Variants in EPM2A observed in about 807,000 individuals in gnomAD.
EPM2A encodes the protein laforin.
EPM2A carries 21 observed loss-of-function variants against 26.5 expected under a neutral mutation model. That is an observed-to-expected ratio of 0.79 (90% CI 0.56 to 1.14). The LOEUF (loss-of-function observed/expected upper bound fraction) is 1.14, where lower values mean the gene tolerates loss of function less well. Among genes scored for constraint, EPM2A ranks in the 50% most tolerant of loss-of-function variants. EPM2A has a pLI of 0.00. For synonymous variants in EPM2A, 217 were observed against 177.6 expected (o/e 1.22, Z -1.76); for missense variants, 458 against 440.8 (o/e 1.04, Z -0.35).
intron 4 of EPM2A, among the ~76,000 whole-genome samples, chr6:145,449,763 A>G (rs1335748686): frequency 6.6e-6 from 1 of 152,234 alleles, no homozygotes; most frequent in East Asian, 1.9e-4. Flanking sequence ...TAACATAGTC[A>G]AACAACTCTG....
chr6:145,452,138 T>C (rs184740832), intron 4 of EPM2A, among the ~76,000 whole-genome samples: 90 of 152,356 alleles, frequency 5.9e-4, no homozygotes, highest in Admixed American at 1.5e-3. Context: ...TTTACCTCCA[T>C]ATCCCATTCT....
chr6:145,717,029 T>C (rs1330190807), intron 1 of EPM2A, among the ~76,000 whole-genome samples: 3 of 152,176 alleles, frequency 2.0e-5, no homozygotes, highest in Non-Finnish European at 4.4e-5. Flanking sequence ...CCAGAAGAAC[T>C]TCTTCCACAA....
At chr6:145,635,074 A>G (rs117085176) in intron 3 of EPM2A, 171 bp downstream of exon 3, 8,898 of 709,570 alleles carry the variant, frequency 0.013, 82 homozygotes, top group Admixed American at 0.018. Flanking sequence ...CACATTAAAC[A>G]GAATCTTAGC....
chr6:145,666,066 T>C (rs1779160356), intron 2 of EPM2A, among the ~76,000 whole-genome samples: 1 of 146,102 alleles, frequency 6.8e-6, no homozygotes, highest in Non-Finnish European at 1.5e-5. Context: ...TCATACTGAA[T>C]GGGCAAAAAC....
At chr6:145,536,517 G>C (rs1194779282) in intron 2 of EPM2A, among the ~76,000 whole-genome samples, 1 of 151,730 alleles carries the variant, frequency 6.6e-6, no homozygotes, top group African/African-American at 2.4e-5. Flanking sequence ...GGTTGGTCTC[G>C]AACTCTTGAC....
intron 2 of EPM2A, among the ~76,000 whole-genome samples, chr6:145,516,009 C>G (rs990847531): frequency 4.6e-5 from 7 of 152,162 alleles, no homozygotes; most frequent in African/African-American, 1.7e-4. Context: ...ATCAAAGGAT[C>G]TAATGCTACT....
At chr6:145,669,895 C>G (rs1375125124) in intron 2 of EPM2A, among the ~76,000 whole-genome samples, 1 of 152,106 alleles carries the variant, frequency 6.6e-6, no homozygotes, top group Non-Finnish European at 1.5e-5. Flanking sequence ...AATCTTCTTT[C>G]TCTTCTCATT....
intron 1 of EPM2A, among the ~76,000 whole-genome samples, chr6:145,729,968 G>T (rs1318479284): frequency 6.6e-6 from 1 of 152,148 alleles, no homozygotes; most frequent in African/African-American, 2.4e-5. Context: ...CATGATGATA[G>T]TGAGTAGGTT....
At chr6:145,424,517 T>C (rs1778827837) in intron 4 of EPM2A, among the ~76,000 whole-genome samples, 1 of 152,142 alleles carries the variant, frequency 6.6e-6, no homozygotes, top group African/African-American at 2.4e-5. Flanking sequence ...TAATTCACAG[T>C]GTATATCTGT....
intron 1 of EPM2A, among the ~76,000 whole-genome samples, chr6:145,692,892 A>T (rs1781363563): frequency 6.6e-6 from 1 of 152,096 alleles, no homozygotes; most frequent in Non-Finnish European, 1.5e-5. Context: ...TGCTTTGGCT[A>T]TTCGAGCTCT....
At chr6:145,631,756 T>A (rs1562419226) in intron 3 of EPM2A, 2 of 151,986 alleles carry the variant, frequency 1.3e-5, no homozygotes, top group African/African-American at 2.4e-5. Context: ...GCCTGAGGTA[T>A]TAGGGCCTGA....
intron 4 of EPM2A, among the ~76,000 whole-genome samples, chr6:145,445,532 G>C (rs1475341521): frequency 6.6e-6 from 1 of 152,246 alleles, no homozygotes; most frequent in East Asian, 1.9e-4. Flanking sequence ...GTGTAGGACT[G>C]GGGTATTCTA....
intron 2 of EPM2A, among the ~76,000 whole-genome samples, chr6:145,673,402 G>C (rs2128601558): frequency 6.6e-6 from 1 of 152,286 alleles, no homozygotes; most frequent in East Asian, 1.9e-4. Flanking sequence ...TGAGGTACCT[G>C]GTTCATCTCA....
intron 2 of EPM2A, among the ~76,000 whole-genome samples, chr6:145,559,988 G>A (rs1054802272): frequency 5.3e-5 from 8 of 152,060 alleles, no homozygotes; most frequent in Non-Finnish European, 1.0e-4. Context: ...ACCATAAGCC[G>A]TTGAAGTTGA....
Position 145,735,288 on chromosome 6 carries a change from C to T in EPM2A, c.211G>A (p.Ala71Thr), listed in dbSNP as rs1481015312. ...CCCGGCTCCGCCCCGTCCTGCGCCG[C>T]CTCCTCGGCCGCCAGCTCCACCTCC... Reference protein sequence around the residue: ...LGEVELAAEEAAQDGAEPGRV... With the variant: ...LGEVELAAEETAQDGAEPGRV... The change falls in exon 1 of 4, where the codon GCG (alanine) becomes ACG (threonine). Residue 71 changes from alanine (A) to threonine (T), a missense_variant. Transcript: ENST00000367519. 1 of 1,488,602 alleles carries T rather than the reference C, an allele frequency of 6.7e-7. No individual in the cohort carries two copies. Among genetic ancestry groups the T allele is most frequent in the South Asian group, 1.3e-5 (1 of 79,970 alleles). 92.2% of individuals were successfully genotyped at this position (1,488,602 alleles called of 1,614,324 possible). A position where few individuals can be genotyped will look rare whatever the true frequency, so the allele number is the denominator to read the frequency against.
At chr6:145,663,632 G>A (rs1778917795) in intron 2 of EPM2A, among the ~76,000 whole-genome samples, 3 of 150,692 alleles carry the variant, frequency 2.0e-5, no homozygotes, top group Admixed American at 1.3e-4. Flanking sequence ...TAGCAAGGTA[G>A]GCCAACGTTC....
At chr6:145,581,288 G>A (rs910106536) in intron 2 of EPM2A, among the ~76,000 whole-genome samples, 14 of 151,976 alleles carry the variant, frequency 9.2e-5, no homozygotes, top group African/African-American at 1.7e-4. Flanking sequence ...TGTTGGCTGC[G>A]TGTATGTGTT....
At chr6:145,528,068 T>C (rs1287269787) in intron 2 of EPM2A, among the ~76,000 whole-genome samples, 1 of 152,128 alleles carries the variant, frequency 6.6e-6, no homozygotes, top group African/African-American at 2.4e-5. Flanking sequence ...CAAGACTGTC[T>C]ATTTAATTCT....
At chr6:145,735,164 C>G (rs768997511) in intron 1 of EPM2A, 34 bp downstream of exon 1, 2 of 1,450,016 alleles carry the variant, frequency 1.4e-6, no homozygotes, top group African/African-American at 1.5e-5. Flanking sequence ...GGAGCTCCCG[C>G]TCTGCGCCGG....
Sources: gnomAD v4.1 joint callset for allele counts (sites outside exome capture counted in the v4.1 genomes callset) on GRCh38, gnomAD v4.1.1 for gene constraint, MANE v1.5 for transcripts, NCBI Gene and HGNC (gene_info 2026-07-23, HGNC 2026-07-21) for gene names.